The following LIMS2 variants were observed in gnomAD, a reference collection of about 807,000 sequenced individuals.
LIMS2 encodes LIM zinc finger domain containing 2, also known as LIM and senescent cell antigen-like-containing domain protein 2.
LIMS2 carries 30 observed loss-of-function variants against 45.3 expected under a neutral mutation model. The ratio of observed to expected loss-of-function variants is 0.66; its 90% CI spans 0.50 to 0.90. LIMS2 has a LOEUF of 0.90. Ranked by LOEUF, LIMS2 falls within the 40% of genes least tolerant of loss-of-function variation. The pLI, the probability that LIMS2 is intolerant of heterozygous loss-of-function variation, is 0.00. For synonymous variants in LIMS2, 173 were observed against 188.0 expected, an observed-to-expected ratio of 0.92 and a Z score of 0.65; for missense variants, 485 against 468.7, an observed-to-expected ratio of 1.03 and a Z score of -0.32.
At chr2:127,674,029 G>C (rs1269485699) in intron 1 of LIMS2, 3 of 414,430 alleles carry the variant, frequency 7.2e-6, no homozygotes, top group African/African-American at 2.2e-5. Context: ...GGCTATTTTT[G>C]GTTCCTGGGC....
At chr2:127,656,415 CTTTTT>C (rs61254122) in intron 2 of LIMS2, among the ~76,000 whole-genome samples, 1 of 134,576 alleles carries the variant, frequency 7.4e-6, no homozygotes, top group African/African-American at 2.7e-5. Flanking sequence ...TTTTTTCTTT[CTTTTT>C]TTTTTTTTTT....
At chr2:127,668,068 G>A (rs1277941990) in intron 1 of LIMS2, among the ~76,000 whole-genome samples, 1 of 152,014 alleles carries the variant, frequency 6.6e-6, no homozygotes, top group African/African-American at 2.4e-5. Flanking sequence ...AACCCCATTT[G>A]GGACAGCATC....
At chr2:127,650,193 C>A in intron 4 of LIMS2, 3 of 913,190 alleles carry the variant, frequency 3.3e-6, no homozygotes, top group South Asian at 3.1e-5. Context: ...AGCGGTGACA[C>A]CCCGGCCACT....
At chr2:127,673,735 T>G in intron 1 of LIMS2, 1 of 1,551,422 alleles carries the variant, frequency 6.4e-7, no homozygotes, top group Non-Finnish European at 8.7e-7. Context: ...CTCTCCCCAC[T>G]TTCTTTTCCT....
chr2:127,671,482 C>T lies in LIMS2; in HGVS notation c.11+3532G>A, dbSNP rs1474487102. On this transcript the variant is annotated intron_variant, in intron 1 of 9. Transcript: ENST00000355119. The surrounding 1 kb of genome is among the most constrained non-coding windows in gnomAD (Gnocchi z 4.1). Reference sequence around the variant, plus strand: ...GCGGCACAGCACAGATAGGGACAGACAGAAGAAGGATAACCCGCTGTGGAT... The same window carrying T: ...GCGGCACAGCACAGATAGGGACAGATAGAAGAAGGATAACCCGCTGTGGAT... 6.6e-6 allele frequency among the ~76,000 whole-genome samples: 1 copy of T among 151,812 alleles called. No homozygotes were observed.
intron 8 of LIMS2, 28 bp downstream of exon 8, chr2:127,640,242 G>A (rs371904968): frequency 9.9e-6 from 16 of 1,612,934 alleles, no homozygotes; most frequent in Admixed American, 1.7e-5. Flanking sequence ...AGAGCAGGTG[G>A]GGTGGGGGAG....
chr2:127,647,952 C>T lies in LIMS2; in HGVS notation c.360-4880G>A, dbSNP rs1222989606. 1 of 911,776 alleles carries T rather than the reference C, an allele frequency of 1.1e-6. No homozygotes were observed. The highest frequency in any genetic ancestry group is 1.3e-6 in the Non-Finnish European group (1 of 762,718). 56.5% of individuals were successfully genotyped at this position (911,776 alleles called of 1,614,324 possible). On this transcript the variant is annotated intron_variant, in intron 4 of 9. Coordinates refer to ENST00000355119, the MANE Select transcript of LIMS2 (RefSeq NM_001161403.3). This position sits in a 1 kb window ranked among gnomAD's most constrained non-coding sequence, Gnocchi z 4.3. ...GGGCTGTGTTCCTCCCTCCTTTTAC[C>T]TCTCCTCCACAGCCCCCTTCACAGC...
In LIMS2 at chr2:127,640,888, G is replaced by C; in HGVS notation, c.753+8C>G. ...CCCGCATCCCTGAAGGTTCTGCACC[G>C]GGCTCACCTGGTTGTAGTGAGTCTC... On this transcript the variant is annotated splice_region_variant and intron_variant, in intron 7 of 9. Transcript: ENST00000355119. The C allele has an allele frequency of 6.2e-7, 1 of 1,612,478 alleles. No individual in the cohort carries two copies. The highest frequency in any genetic ancestry group is 8.5e-7 in the Non-Finnish European group (1 of 1,178,948).
chr2:127,662,781 C>G (rs1416844938), intron 1 of LIMS2, among the ~76,000 whole-genome samples: 2 of 151,922 alleles, frequency 1.3e-5, no homozygotes, highest in African/African-American at 4.8e-5. Context: ...TACCCTAAAA[C>G]TTAAAGTCTA....
chr2:127,669,217 T>C (rs989529688), intron 1 of LIMS2, among the ~76,000 whole-genome samples: 3 of 152,202 alleles, frequency 2.0e-5, no homozygotes, highest in Admixed American at 6.5e-5. Context: ...GATAGCTACA[T>C]GCTAACAGTA....
chr2:127,640,001 C>A, intron 9 of LIMS2, 69 bp downstream of exon 9: 1 of 1,498,230 alleles, frequency 6.7e-7, no homozygotes, highest in Non-Finnish European at 9.3e-7. Flanking sequence ...TGCAGGAGGG[C>A]TGCTGAGAGG....
Position 127,666,793 on chromosome 2 carries a change from C to T in LIMS2, c.11+8221G>A, listed in dbSNP as rs547482465. On this transcript the variant is annotated intron_variant, in intron 1 of 9. Transcript: ENST00000355119. ...TCAAGGCACCTTCTTCACAAGGTGGCAGGAAGAAATACCAAGCAAAGGGGG... is the reference window on the plus strand; with the variant it reads ...TCAAGGCACCTTCTTCACAAGGTGGTAGGAAGAAATACCAAGCAAAGGGGG... 3.3e-5 allele frequency among the ~76,000 whole-genome samples: 5 copies of T among 152,172 alleles called. No individual in the cohort carries two copies. The South Asian group carries it at 1.0e-3, about 32-fold the overall frequency.
At chr2:127,658,774 G>A (rs1375241071) in intron 1 of LIMS2, among the ~76,000 whole-genome samples, 2 of 152,342 alleles carry the variant, frequency 1.3e-5, no homozygotes, top group East Asian at 1.9e-4. Flanking sequence ...GGCAGAGAGG[G>A]AGCATCAGGC....
At position 127,675,037 on chromosome 2, in the gene LIMS2, G is replaced by T; in HGVS notation, c.-13C>A. On this transcript the variant is annotated 5_prime_UTR_variant, in exon 1 of 10. Transcript: ENST00000355119. ...ACCTTCCCGTCATGGTGGCAGCGAC[G>T]CCGAGCCCTGGGTTGCCGGGGTTGC... 8.9e-6 allele frequency: 11 copies of T among 1,229,198 alleles called. No homozygotes were observed. Among genetic ancestry groups the T allele is most frequent in the Non-Finnish European group, 1.1e-5 (11 of 985,146 alleles). The allele number at this position is 1,229,198 out of a possible 1,614,324, so 76.1% of individuals were successfully genotyped here.
rs191488213 is a variant in LIMS2 at position 127,667,917 on chromosome 2, A to G, written c.11+7097T>C. 2.4e-4 allele frequency among the ~76,000 whole-genome samples: 36 copies of G among 152,362 alleles called. No individual in the cohort carries two copies. The highest frequency in any genetic ancestry group is 8.7e-4 in the African/African-American group (36 of 41,592). Reference sequence around the variant, plus strand: ...ATTTTTATTTACATATTACATACTCATATATAGAAAACTCGGAAGAATCCC... The same window carrying G: ...ATTTTTATTTACATATTACATACTCGTATATAGAAAACTCGGAAGAATCCC... On this transcript the variant is annotated intron_variant, in intron 1 of 9. Coordinates refer to ENST00000355119, the MANE Select transcript of LIMS2 (RefSeq NM_001161403.3). This position sits in a 1 kb window ranked among gnomAD's most constrained non-coding sequence, Gnocchi z 4.1.
At chr2:127,641,191 GGGA>G in intron 6 of LIMS2, 1 of 560,292 alleles carries the variant, frequency 1.8e-6, no homozygotes, top group Non-Finnish European at 3.2e-6. Flanking sequence ...CTGGGCAGAG[GGGA>G]CTGACACCTC....
intron 4 of LIMS2, chr2:127,649,861 G>A: frequency 1.5e-6 from 1 of 671,424 alleles, no homozygotes; most frequent in Non-Finnish European, 2.5e-6. Flanking sequence ...GCGCTGGCCA[G>A]TGTCTCTGAC....
chr2:127,644,103 C>T (rs1325157384), intron 4 of LIMS2: 7 of 456,432 alleles, frequency 1.5e-5, no homozygotes, highest in Non-Finnish European at 8.8e-6. Context: ...CCATCCTGCA[C>T]AGCACTGTGC....
Position 127,656,408 on chromosome 2 carries a change from T to C in LIMS2, c.171+995A>G, listed in dbSNP as rs1004079356. Among the ~76,000 whole-genome samples, 10 of 149,650 alleles carry C rather than the reference T, an allele frequency of 6.7e-5. 1 individual carries two copies. The highest frequency in any genetic ancestry group is 2.7e-4 in the Admixed American group (4 of 15,032). On this transcript the variant is annotated intron_variant, in intron 2 of 9. Transcript: ENST00000355119. ...CAGCGGCCACAAGCCTCCTTTTTTT[T>C]TTCTTTCTTTTTTTTTTTTTTTTTA...
Sources: gnomAD v4.1 joint callset for allele counts (sites outside exome capture counted in the v4.1 genomes callset) on GRCh38, gnomAD v4.1.1 for gene constraint, Gnocchi (gnomAD v3.1) non-coding constraint, MANE v1.5 for transcripts, NCBI Gene and HGNC (gene_info 2026-07-23, HGNC 2026-07-21) for gene names.